UNC80: variants seen among roughly 807,000 people sequenced by gnomAD.
The protein encoded by UNC80 is protein unc-80 homolog.
A neutral mutation model predicts 384.6 loss-of-function variants in UNC80; 164 were observed. The ratio of observed to expected loss-of-function variants is 0.43; its 90% CI spans 0.38 to 0.49. The LOEUF (loss-of-function observed/expected upper bound fraction) is 0.49, where lower values mean the gene tolerates loss of function less well. UNC80 is among the 20% of genes least tolerant of loss of function. UNC80 has a pLI of 0.00. For missense variants in UNC80, 3,330 were observed against 4,143.0 expected, an observed-to-expected ratio of 0.80 and a Z score of 5.39; for synonymous variants, 1,486 against 1,527.8, an observed-to-expected ratio of 0.97 and a Z score of 0.64.
intron 7 of UNC80, chr2:209,808,782 C>A: frequency 3.3e-6 from 1 of 301,602 alleles, no homozygotes. Flanking sequence ...CGCTACTCAG[C>A]GACCTCGTTG....
intron 31 of UNC80, among the ~76,000 whole-genome samples, chr2:209,915,424 AC>A (rs1461879902): frequency 0.041 from 5,581 of 137,244 alleles, 270 homozygotes; most frequent in South Asian, 0.14. Flanking sequence ...AAAAAAAAAA[AC>A]AAAAACTGGG....
chr2:209,998,601 G>T lies in UNC80; in HGVS notation c.*3006G>T, dbSNP rs1275066752. 5 of 152,174 alleles carry T rather than the reference G, an allele frequency of 3.3e-5. No individual in the cohort carries two copies. The highest frequency in any genetic ancestry group is 4.8e-5 in the African/African-American group (2 of 41,434). The allele number at this position is 152,174 out of a possible 1,614,324, so 9.4% of individuals were successfully genotyped here. On this transcript the variant is annotated 3_prime_UTR_variant, in exon 65 of 65. Coordinates refer to ENST00000673920, the MANE Select transcript of UNC80 (RefSeq NM_001371986.1). ...GCATTATATTCCTTTAGTCAACAAA[G>T]AACTTTCTCCACTCTGCTGCCCAGC... is the stretch of plus-strand genomic sequence containing the variant.
At chr2:209,967,671 C>T in intron 52 of UNC80, 34 bp downstream of exon 52, 1 of 1,539,088 alleles carries the variant, frequency 6.5e-7, no homozygotes, top group Non-Finnish European at 8.8e-7. Context: ...GTTGCTATCA[C>T]AAATGTCAAA....
At chr2:209,855,598 CT>C (rs887676085) in intron 22 of UNC80, among the ~76,000 whole-genome samples, 1 of 152,098 alleles carries the variant, frequency 6.6e-6, no homozygotes, top group African/African-American at 2.4e-5. Flanking sequence ...AATCACACAC[CT>C]TTACCTCTGA....
In UNC80 at chr2:209,936,871, G is replaced by C. The variant is rs1170303037; in HGVS notation, c.6301G>C (p.Glu2101Gln). The change falls in exon 41 of 65, where the codon GAA becomes CAA. Residue 2101 changes from glutamate to glutamine, a missense_variant. Coordinates refer to ENST00000673920, the MANE Select transcript of UNC80 (RefSeq NM_001371986.1). ...KECLEFFNIP[E>Q]SQSTHYFLMD... ...GTGTCTGGAGTTTTTTAATATCCCAGAATCCCAGTCAACACATTATTTTCT... is the reference window on the plus strand; with the variant it reads ...GTGTCTGGAGTTTTTTAATATCCCACAATCCCAGTCAACACATTATTTTCT... 1.9e-6 allele frequency: 3 copies of C among 1,550,618 alleles called. No individual in the cohort carries two copies. The highest frequency in any genetic ancestry group is 2.6e-6 in the Non-Finnish European group (3 of 1,146,292).
At position 209,872,853 on chromosome 2, in the gene UNC80, G is replaced by GCAC. The variant is rs748355070; in HGVS notation, c.3727_3729dup (p.His1243dup). 1.3e-5 allele frequency: 20 copies of GCAC among 1,551,290 alleles called. No homozygotes were observed. In the African/African-American group the frequency reaches 2.3e-4, roughly 18 times the overall value. On this transcript the variant is annotated inframe_insertion, in exon 23 of 65. Coordinates refer to ENST00000673920, the MANE Select transcript of UNC80 (RefSeq NM_001371986.1). The surrounding 1 kb of genome is among the most constrained non-coding windows in gnomAD (Gnocchi z 4.1). ...GCAACTGGCCAGAGTGGATGAAAGGGCACCACGTGAACATCACCAAGAAAG... is the reference window on the plus strand; with the variant it reads ...GCAACTGGCCAGAGTGGATGAAAGGGCACCACCACGTGAACATCACCAAGAAAG...
At chr2:209,811,196 A>G (rs1018862628) in intron 7 of UNC80, among the ~76,000 whole-genome samples, 37 of 152,284 alleles carry the variant, frequency 2.4e-4, no homozygotes, top group Admixed American at 4.6e-4. Context: ...TTGAGAAAAT[A>G]TTAAAACAGG....
intron 29 of UNC80, among the ~76,000 whole-genome samples, chr2:209,911,920 C>A (rs192022745): frequency 6.6e-6 from 1 of 152,150 alleles, no homozygotes; most frequent in African/African-American, 2.4e-5. Context: ...GTTGAGGAGA[C>A]AATTTTTAAG....
At position 209,995,697 on chromosome 2, in the gene UNC80, CACTTT is replaced by C. The variant is rs2093473795; in HGVS notation, c.*107_*111del. ...TTGAAAAAGATTAATTACAAAATAG[CACTTT>C]ACTTCTAATGGGTGGCACAAATCTG... On this transcript the variant is annotated 3_prime_UTR_variant, in exon 65 of 65. Coordinates refer to ENST00000673920, the MANE Select transcript of UNC80 (RefSeq NM_001371986.1). 7.4e-7 allele frequency: 1 copy of C among 1,347,440 alleles called. No individual in the cohort carries two copies. The highest frequency in any genetic ancestry group is 1.0e-6 in the Non-Finnish European group (1 of 997,342). The allele number at this position is 1,347,440 out of a possible 1,614,324, so 83.5% of individuals were successfully genotyped here. A position where few individuals can be genotyped will look rare whatever the true frequency, so the allele number is the denominator to read the frequency against.
Position 209,781,850 on chromosome 2 carries a change from A to G in UNC80, c.601-4216A>G, listed in dbSNP as rs1037470509. ...CTTTTCCAAATAAATAATCCATGGGAAATTCAAACTTCACCTGTAATGAGC... is the reference window on the plus strand; with the variant it reads ...CTTTTCCAAATAAATAATCCATGGGGAATTCAAACTTCACCTGTAATGAGC... On this transcript the variant is annotated intron_variant, in intron 4 of 64. Coordinates refer to ENST00000673920, the MANE Select transcript of UNC80 (RefSeq NM_001371986.1). 3.9e-5 allele frequency among the ~76,000 whole-genome samples: 6 copies of G among 152,182 alleles called. 1 individual carries two copies. Among genetic ancestry groups the G allele is most frequent in the African/African-American group, 1.4e-4 (6 of 41,440 alleles).
intron 28 of UNC80, among the ~76,000 whole-genome samples, chr2:209,903,306 A>ATATAT (rs1456660454): frequency 1.0e-5 from 1 of 97,512 alleles, no homozygotes; most frequent in African/African-American, 3.6e-5. Flanking sequence ...TATACAATAT[A>ATATAT]TATATTATAT....
chr2:209,942,514 G>A (rs935931113), intron 44 of UNC80, among the ~76,000 whole-genome samples: 1 of 152,110 alleles, frequency 6.6e-6, no homozygotes, highest in African/African-American at 2.4e-5. Context: ...CTACATTTAG[G>A]AGTACTAAAT....
At chr2:209,994,939 AT>A (rs2125035616) in intron 64 of UNC80, among the ~76,000 whole-genome samples, 1 of 151,846 alleles carries the variant, frequency 6.6e-6, no homozygotes, top group South Asian at 2.1e-4. Context: ...GTTTTGGTAT[AT>A]TTTTTCTTTT....
rs545888465 is a variant in UNC80 at position 209,816,432 on chromosome 2, C to G, written c.1336-477C>G. On this transcript the variant is annotated intron_variant, in intron 9 of 64. Transcript: ENST00000673920. ...CACATTTAAAGTTGGCTAACTGAAACAATGGATCACCATCATGAAAAATGA... is the reference window on the plus strand; with the variant it reads ...CACATTTAAAGTTGGCTAACTGAAAGAATGGATCACCATCATGAAAAATGA... Among the ~76,000 whole-genome samples, 7 of 152,260 alleles carry G rather than the reference C, an allele frequency of 4.6e-5. No individual in the cohort carries two copies. In the South Asian group the frequency reaches 1.5e-3, roughly 32 times the overall value.
At position 209,819,162 on chromosome 2, in the gene UNC80, C is replaced by T. The variant is rs1397929695; in HGVS notation, c.1863C>T (p.Ser621=). ...EPLACANLPR[S]LTDSCINYSY... is the part of the protein sequence containing the mutation. Reference sequence around the variant, plus strand: ...TGGCATGTGCTAACCTACCTCGAAGCCTCACAGACTCCTGCATAAACTACA... The same window carrying T: ...TGGCATGTGCTAACCTACCTCGAAGTCTCACAGACTCCTGCATAAACTACA... Residue 621 remains serine, a synonymous_variant, in exon 12 of 65, where the codon AGC becomes AGT. Transcript: ENST00000673920. 2.6e-6 allele frequency: 4 copies of T among 1,552,188 alleles called. No individual in the cohort carries two copies. The highest frequency in any genetic ancestry group is 2.6e-6 in the Non-Finnish European group (3 of 1,147,104).
chr2:209,903,526 A>AT (rs2087733780), intron 28 of UNC80, among the ~76,000 whole-genome samples: 3 of 242 alleles, frequency 0.012, no homozygotes, highest in African/African-American at 0.026. Context: ...TATATATACT[A>AT]TATATATTAT....
intron 18 of UNC80, among the ~76,000 whole-genome samples, 197 bp downstream of exon 18, chr2:209,835,207 C>T (rs745523326): frequency 6.6e-6 from 1 of 152,154 alleles, no homozygotes; most frequent in Non-Finnish European, 1.5e-5. Context: ...CTATGAGAAG[C>T]CTCCCTAACT....
intron 6 of UNC80, among the ~76,000 whole-genome samples, chr2:209,792,568 C>T (rs1016642223): frequency 5.3e-5 from 8 of 152,070 alleles, no homozygotes; most frequent in South Asian, 2.1e-4. Flanking sequence ...CGGATGGTCT[C>T]GATCTCCTGA....
In UNC80 at chr2:209,923,957, A is replaced by G. The variant is rs370872612; in HGVS notation, c.5662+1574A>G. On this transcript the variant is annotated intron_variant, in intron 35 of 64. Coordinates refer to ENST00000673920, the MANE Select transcript of UNC80 (RefSeq NM_001371986.1). ...TGCCTGCCGTTTTAAAATATAAGAT[A>G]TGCCATGTGAAAGACACAGTTTTAT... is the stretch of plus-strand genomic sequence containing the variant. 1.6e-4 allele frequency among the ~76,000 whole-genome samples: 24 copies of G among 152,264 alleles called. No homozygotes were observed. In the East Asian group the frequency reaches 4.2e-3, roughly 27 times the overall value.
Sources: allele counts gnomAD v4.1 joint callset (sites outside exome capture counted in the v4.1 genomes callset), GRCh38; gene constraint gnomAD v4.1.1; non-coding constraint Gnocchi (gnomAD v3.1); transcripts MANE v1.5; gene names NCBI Gene and HGNC (gene_info 2026-07-23, HGNC 2026-07-21).